The following SIPA1L3 variants were observed in gnomAD, a reference collection of about 807,000 sequenced individuals.
The protein encoded by SIPA1L3 is signal induced proliferation associated 1 like 3.
Under a neutral mutation model 150.1 loss-of-function variants are expected in SIPA1L3, and 59 were observed. The observed-to-expected ratio is 0.39, with a 90% confidence interval of 0.32 to 0.49. The LOEUF is 0.49. Ranked by LOEUF, SIPA1L3 falls within the 20% of genes least tolerant of loss-of-function variation. The pLI is 0.86. For synonymous variants in SIPA1L3, 1,070 were observed against 1,077.6 expected (o/e 0.99, Z 0.14); for missense variants, 2,211 against 2,489.5 (o/e 0.89, Z 2.38).
chr19:38,123,984 C>G (rs186002660), intron 9 of SIPA1L3, among the ~76,000 whole-genome samples: 1 of 131,274 alleles, frequency 7.6e-6, no homozygotes, highest in Non-Finnish European at 1.6e-5. Context: ...AACCCCCCCC[C>G]ACCTCCCTCC....
chr19:37,944,654 C>T (rs141517267), intron 1 of SIPA1L3, among the ~76,000 whole-genome samples: 14 of 152,236 alleles, frequency 9.2e-5, no homozygotes, highest in African/African-American at 2.4e-4. Flanking sequence ...ACCTGTTATA[C>T]GCTGAAATTA....
At chr19:37,920,752 C>A (rs2046451162) in intron 1 of SIPA1L3, among the ~76,000 whole-genome samples, 1 of 152,098 alleles carries the variant, frequency 6.6e-6, no homozygotes, top group Non-Finnish European at 1.5e-5. Context: ...ATACTTGGCC[C>A]AAGGCTTTGG....
At chr19:38,108,038 G>A (rs1412920211) in intron 7 of SIPA1L3, among the ~76,000 whole-genome samples, 1 of 152,102 alleles carries the variant, frequency 6.6e-6, no homozygotes, top group Admixed American at 6.5e-5. Flanking sequence ...CTGAATTTGA[G>A]TTCTTTCTTG....
intron 1 of SIPA1L3, among the ~76,000 whole-genome samples, chr19:38,011,498 T>C (rs1968096990): frequency 6.6e-6 from 1 of 152,014 alleles, no homozygotes; most frequent in Non-Finnish European, 1.5e-5. Context: ...ACAGCAGTCA[T>C]GCTTACTGCT....
chr19:38,080,772 C>T (rs1969959294), intron 2 of SIPA1L3, among the ~76,000 whole-genome samples: 1 of 151,760 alleles, frequency 6.6e-6, no homozygotes. Context: ...GAGTTTGAGA[C>T]CAGTTTGGCC....
At chr19:38,065,903 T>TTATTTATCTATC (rs1209445226) in intron 2 of SIPA1L3, among the ~76,000 whole-genome samples, 3 of 99,300 alleles carry the variant, frequency 3.0e-5, no homozygotes, top group African/African-American at 1.3e-4. Flanking sequence ...GTTTGATCTC[T>TTATTTATCTATC]TATTTATTTA....
At chr19:38,154,065 C>T (rs1055930960) in intron 13 of SIPA1L3, among the ~76,000 whole-genome samples, 3 of 152,188 alleles carry the variant, frequency 2.0e-5, no homozygotes, top group African/African-American at 7.2e-5. Flanking sequence ...GTTAGTACCC[C>T]CAAAGGAACC....
At chr19:38,031,617 T>C (rs1968656244) in intron 2 of SIPA1L3, among the ~76,000 whole-genome samples, 1 of 152,238 alleles carries the variant, frequency 6.6e-6, no homozygotes, top group African/African-American at 2.4e-5. Flanking sequence ...CAATGCATCA[T>C]ATTTCCGGTA....
At chr19:37,999,796 T>TG (rs1432146434) in intron 1 of SIPA1L3, among the ~76,000 whole-genome samples, 3 of 152,152 alleles carry the variant, frequency 2.0e-5, no homozygotes, top group African/African-American at 7.2e-5. Context: ...GAGAGGAGTA[T>TG]GAAAAATCAT....
intron 1 of SIPA1L3, among the ~76,000 whole-genome samples, chr19:37,930,454 C>T (rs2046543773): frequency 6.6e-6 from 1 of 152,122 alleles, no homozygotes; most frequent in Non-Finnish European, 1.5e-5. Context: ...CCACCGTGCC[C>T]AGCATAAATG....
At chr19:38,148,008 A>C (rs1568575966) in intron 12 of SIPA1L3, among the ~76,000 whole-genome samples, 1 of 151,210 alleles carries the variant, frequency 6.6e-6, no homozygotes, top group Non-Finnish European at 1.5e-5. Context: ...GTGACATTGC[A>C]CTCCAGCCTG....
At chr19:38,081,055 A>C (rs1969966405) in intron 2 of SIPA1L3, among the ~76,000 whole-genome samples, 1 of 152,030 alleles carries the variant, frequency 6.6e-6, no homozygotes, top group Non-Finnish European at 1.5e-5. Context: ...TGAATAGATG[A>C]AATGGGAATG....
At chr19:37,915,574 G>T (rs1168514125) in intron 1 of SIPA1L3, among the ~76,000 whole-genome samples, 1 of 151,996 alleles carries the variant, frequency 6.6e-6, no homozygotes, top group Non-Finnish European at 1.5e-5. Flanking sequence ...TAGAGATGGG[G>T]TTTCACCATC....
At chr19:37,923,056 G>A (rs1428571814) in intron 1 of SIPA1L3, among the ~76,000 whole-genome samples, 3 of 151,616 alleles carry the variant, frequency 2.0e-5, no homozygotes, top group African/African-American at 7.3e-5. Context: ...AGAATGGCGT[G>A]AACCCGGGAG....
chr19:38,049,326 C>G (rs1969133580), intron 2 of SIPA1L3, among the ~76,000 whole-genome samples: 1 of 152,208 alleles, frequency 6.6e-6, no homozygotes, highest in African/African-American at 2.4e-5. Context: ...AAAGAGTCAG[C>G]TTCCGGGGTT....
chr19:38,026,273 C>A (rs546606107), intron 1 of SIPA1L3, among the ~76,000 whole-genome samples: 1 of 152,314 alleles, frequency 6.6e-6, no homozygotes, highest in South Asian at 2.1e-4. Flanking sequence ...TAGATTCAAC[C>A]AACTTAGCAG....
intron 8 of SIPA1L3, among the ~76,000 whole-genome samples, chr19:38,118,582 G>A (rs1459655605): frequency 1.2e-4 from 18 of 151,640 alleles, no homozygotes; most frequent in Admixed American, 1.2e-3. Context: ...GCCCCAGGCT[G>A]GAGTGCAGTG....
At chr19:37,910,880 G>T (rs984350842) in intron 1 of SIPA1L3, among the ~76,000 whole-genome samples, 1 of 152,184 alleles carries the variant, frequency 6.6e-6, no homozygotes, top group African/African-American at 2.4e-5. Context: ...ACAGGCGTGA[G>T]CCACCGTGCC....
At chr19:38,085,214 G>T (rs1159840251) in intron 3 of SIPA1L3, among the ~76,000 whole-genome samples, 1 of 152,058 alleles carries the variant, frequency 6.6e-6, no homozygotes, top group Non-Finnish European at 1.5e-5. Flanking sequence ...GGGCACGGTG[G>T]CTCACGCTTG....
Sources: allele counts gnomAD v4.1 joint callset (sites outside exome capture counted in the v4.1 genomes callset), GRCh38; gene constraint gnomAD v4.1.1; transcripts MANE v1.5; gene names NCBI Gene and HGNC (gene_info 2026-07-23, HGNC 2026-07-21).